Variants in DNAAF11 observed in about 807,000 individuals in gnomAD.
DNAAF11 encodes leucine rich repeat containing 6.
In DNAAF11, 45 loss-of-function variants were observed where a neutral mutation model predicts 60.8. That is an observed-to-expected ratio of 0.74 (90% CI 0.58 to 0.95). The LOEUF (loss-of-function observed/expected upper bound fraction) is 0.95, where lower values mean the gene tolerates loss of function less well. Among genes scored for constraint, DNAAF11 ranks in the 40% least tolerant of loss-of-function variants. The probability of loss-of-function intolerance (pLI) is 0.00; values close to 1 mark genes in which losing one functional copy is unlikely to be tolerated. For missense variants in DNAAF11, 546 were observed against 546.2 expected (o/e 1.00, Z 0.00); for synonymous variants, 191 against 183.5 (o/e 1.04, Z -0.33).
intron 4 of DNAAF11, among the ~76,000 whole-genome samples, chr8:132,634,460 T>C (rs1375132899): frequency 1.3e-5 from 2 of 152,166 alleles, no homozygotes; most frequent in African/African-American, 4.8e-5. Context: ...GGTATCTTCA[T>C]ACCATTACTT....
chr8:132,575,551 G>A (rs564648874), intron 11 of DNAAF11, among the ~76,000 whole-genome samples: 34 of 152,228 alleles, frequency 2.2e-4, no homozygotes, highest in Non-Finnish European at 3.7e-4. Flanking sequence ...TTGCACCAGC[G>A]TGGCAAGGGC....
At chr8:132,679,399 A>G (rs959656727), upstream of DNAAF11, among the ~76,000 whole-genome samples, 5 of 152,234 alleles carry the variant, frequency 3.3e-5, no homozygotes, top group African/African-American at 1.2e-4. Flanking sequence ...TCACTTCAGT[A>G]GGATCACCAA....
At chr8:132,601,715 T>C (rs1279890712) in intron 10 of DNAAF11, among the ~76,000 whole-genome samples, 1 of 151,946 alleles carries the variant, frequency 6.6e-6, no homozygotes, top group Non-Finnish European at 1.5e-5. Context: ...AGGTGGGAAT[T>C]GAACAATGAG....
upstream of DNAAF11, among the ~76,000 whole-genome samples, chr8:132,678,558 AT>A (rs1405513418): frequency 1.3e-5 from 2 of 151,728 alleles, no homozygotes; most frequent in South Asian, 4.2e-4. Context: ...ATTTTTTTAG[AT>A]TTTTTTATAG....
At chr8:132,690,540 T>A in the DNAAF11 span, among the ~76,000 whole-genome samples, 3 of 152,124 alleles carry the variant, frequency 2.0e-5, no homozygotes, top group Admixed American at 1.3e-4. Context: ...ACTGATACAA[T>A]TAGCATACTA....
rs75282616 is a variant in DNAAF11, at chr8:132,627,436, C to T, written c.654-1982G>A. On this transcript the variant is annotated intron_variant, in intron 5 of 11. Coordinates refer to ENST00000620350, the MANE Select transcript of DNAAF11 (RefSeq NM_012472.6). ...TGTATGATCAAAAAAACTTTCTCTT[C>T]AACCATTGCCTTCAAACCTGCTCTC... is the stretch of plus-strand genomic sequence containing the variant. Among the ~76,000 whole-genome samples the T allele has an allele frequency of 8.0e-4, 122 of 152,268 alleles. 5 individuals are homozygous for T. The East Asian group carries it at 0.021, about 26-fold the overall frequency.
chr8:132,588,377 A>G lies in DNAAF11; in HGVS notation c.1141-4598T>C, dbSNP rs139700388. ...AATAAAAGTGTACATGAAAATCACAATAAATTTATCTTTCTCTTGGATATT... is the reference window on the plus strand; with the variant it reads ...AATAAAAGTGTACATGAAAATCACAGTAAATTTATCTTTCTCTTGGATATT... On this transcript the variant is annotated intron_variant, in intron 10 of 11. Coordinates refer to ENST00000620350, the MANE Select transcript of DNAAF11 (RefSeq NM_012472.6). Among the ~76,000 whole-genome samples, 4 of 152,348 alleles carry G rather than the reference A, an allele frequency of 2.6e-5. No individual in the cohort carries two copies. In the East Asian group the frequency reaches 7.7e-4, roughly 29 times the overall value.
chr8:132,655,571 AG>A (rs369825335), intron 3 of DNAAF11, among the ~76,000 whole-genome samples: 67 of 152,330 alleles, frequency 4.4e-4, no homozygotes, highest in African/African-American at 1.6e-3. Context: ...ATCTGATCGA[AG>A]TCTAGCATCT....
At chr8:132,648,204 C>T (rs556984726) in intron 3 of DNAAF11, among the ~76,000 whole-genome samples, 1 of 152,288 alleles carries the variant, frequency 6.6e-6, no homozygotes, top group African/African-American at 2.4e-5. Flanking sequence ...GCTGGTTCAA[C>T]ATATGCAAAC....
chr8:132,675,954 C>T (rs1033859437), upstream of DNAAF11, among the ~76,000 whole-genome samples: 9 of 152,194 alleles, frequency 5.9e-5, no homozygotes, highest in Non-Finnish European at 1.2e-4. Context: ...CCTTACACTT[C>T]CTTCTCCTCA....
chr8:132,664,607 A>G (rs923974525), intron 1 of DNAAF11, among the ~76,000 whole-genome samples: 18 of 150,968 alleles, frequency 1.2e-4, no homozygotes, highest in African/African-American at 4.4e-4. Flanking sequence ...AACTACAGGC[A>G]TGCGCCACCA....
At chr8:132,687,776 G>T in the DNAAF11 span, 1 of 437,110 alleles carries the variant, frequency 2.3e-6, no homozygotes. Context: ...ACTAAATTAT[G>T]CTGCTTTTGG....
At chr8:132,626,410 G>T (rs565057161) in intron 5 of DNAAF11, among the ~76,000 whole-genome samples, 2 of 152,286 alleles carry the variant, frequency 1.3e-5, no homozygotes, top group South Asian at 4.1e-4. Flanking sequence ...TTCTGATTAT[G>T]TAGCTTTACA....
At chr8:132,581,675 A>G (rs1363958092) in intron 11 of DNAAF11, among the ~76,000 whole-genome samples, 1 of 151,608 alleles carries the variant, frequency 6.6e-6, no homozygotes, top group African/African-American at 2.4e-5. Context: ...AAAAAAAAAA[A>G]AAAAAAAAGA....
intron 1 of DNAAF11, among the ~76,000 whole-genome samples, chr8:132,669,788 TAAAAA>T (rs958216250): frequency 3.2e-4 from 48 of 151,550 alleles, no homozygotes; most frequent in African/African-American, 9.9e-4. Context: ...CATAAGGAAA[TAAAAA>T]GGAAAATTAG....
At chr8:132,615,974 A>G (rs1162078991) in intron 7 of DNAAF11, among the ~76,000 whole-genome samples, 1 of 152,136 alleles carries the variant, frequency 6.6e-6, no homozygotes, top group Non-Finnish European at 1.5e-5. Flanking sequence ...TGCTTTCAAT[A>G]GTCAGGCCTG....
At chr8:132,686,939 A>G in the DNAAF11 span, among the ~76,000 whole-genome samples, 1 of 152,144 alleles carries the variant, frequency 6.6e-6, no homozygotes. Context: ...TGGCTTATTA[A>G]CTATCCCATC....
intron 3 of DNAAF11, among the ~76,000 whole-genome samples, chr8:132,640,924 C>T (rs1339645369): frequency 6.6e-6 from 1 of 152,060 alleles, no homozygotes; most frequent in Non-Finnish European, 1.5e-5. Flanking sequence ...GAAGAGTCTA[C>T]TTGGAAGGGT....
chr8:132,643,751 A>C (rs1488438037), intron 3 of DNAAF11: 1 of 455,800 alleles, frequency 2.2e-6, no homozygotes, highest in Non-Finnish European at 4.4e-6. Flanking sequence ...GGAGACAAGC[A>C]TAATATTGAG....
Sources: gnomAD v4.1 joint callset for allele counts (sites outside exome capture counted in the v4.1 genomes callset) on GRCh38, gnomAD v4.1.1 for gene constraint, MANE v1.5 for transcripts, NCBI Gene and HGNC (gene_info 2026-07-23, HGNC 2026-07-21) for gene names.